RUNX1: variants seen among roughly 807,000 people sequenced by gnomAD.
The protein encoded by RUNX1 is runt-related transcription factor 1.
RUNX1 carries 19 observed loss-of-function variants against 42.8 expected under a neutral mutation model. The ratio of observed to expected loss-of-function variants is 0.44; its 90% CI spans 0.31 to 0.65. The LOEUF (loss-of-function observed/expected upper bound fraction) is 0.65, where lower values mean the gene tolerates loss of function less well. RUNX1 is among the 30% of genes least tolerant of loss of function. The pLI, the probability that RUNX1 is intolerant of heterozygous loss-of-function variation, is 0.07. For missense variants in RUNX1, 528 were observed against 672.0 expected (o/e 0.79, Z 2.37); for synonymous variants, 271 against 289.4 (o/e 0.94, Z 0.64).
intron 2 of RUNX1, among the ~76,000 whole-genome samples, chr21:35,042,083 C>T (rs920350202): frequency 6.6e-6 from 1 of 152,158 alleles, no homozygotes; most frequent in Non-Finnish European, 1.5e-5. Context: ...GCAACATTCC[C>T]ATAGATACAG....
intron 7 of RUNX1, among the ~76,000 whole-genome samples, chr21:34,832,098 C>T (rs927360146): frequency 9.9e-5 from 15 of 152,072 alleles, no homozygotes; most frequent in African/African-American, 2.9e-4. Context: ...ACTCTAAAAG[C>T]GAGTTATGAT....
chr21:34,919,572 C>T (rs2058338354), intron 2 of RUNX1, among the ~76,000 whole-genome samples: 2 of 152,220 alleles, frequency 1.3e-5, no homozygotes, highest in African/African-American at 4.8e-5. Flanking sequence ...GTGGCTTATT[C>T]TCACCACATA....
At chr21:34,922,563 T>C (rs2058361844) in intron 2 of RUNX1, among the ~76,000 whole-genome samples, 3 of 152,074 alleles carry the variant, frequency 2.0e-5, no homozygotes, top group Admixed American at 2.0e-4. Flanking sequence ...TGAAGAGTCT[T>C]CCAGAAAGAG....
intron 2 of RUNX1, among the ~76,000 whole-genome samples, chr21:34,995,416 G>C (rs1221927976): frequency 6.7e-6 from 1 of 148,930 alleles, no homozygotes; most frequent in East Asian, 1.9e-4. Context: ...TTGAAATAAA[G>C]GCTGTTACTT....
chr21:34,838,146 C>T (rs774009596), intron 6 of RUNX1, among the ~76,000 whole-genome samples: 29 of 152,078 alleles, frequency 1.9e-4, no homozygotes, highest in Non-Finnish European at 3.5e-4. Flanking sequence ...TTCTGCCATA[C>T]AAAATAAACT....
At chr21:34,976,091 G>A (rs2146768150) in intron 2 of RUNX1, among the ~76,000 whole-genome samples, 1 of 150,888 alleles carries the variant, frequency 6.6e-6, no homozygotes, top group South Asian at 2.1e-4. Flanking sequence ...TTGGAAATTT[G>A]GAGGGAGATT....
chr21:34,954,108 A>C (rs2058628084), intron 2 of RUNX1, among the ~76,000 whole-genome samples: 1 of 152,198 alleles, frequency 6.6e-6, no homozygotes, highest in African/African-American at 2.4e-5. Context: ...GTGTCACTTG[A>C]GATATTATCT....
intron 7 of RUNX1, among the ~76,000 whole-genome samples, chr21:34,815,670 G>A (rs1315795396): frequency 3.3e-5 from 5 of 152,178 alleles, no homozygotes; most frequent in Non-Finnish European, 7.4e-5. Context: ...GAGGAAGAAC[G>A]CCACTGCCAG....
intron 7 of RUNX1, among the ~76,000 whole-genome samples, chr21:34,816,955 C>T (rs1046168435): frequency 6.6e-6 from 1 of 152,196 alleles, no homozygotes; most frequent in African/African-American, 2.4e-5. Context: ...CTGGTGGTTC[C>T]ATGGTCTCCA....
intron 2 of RUNX1, among the ~76,000 whole-genome samples, chr21:34,992,864 G>A (rs1466024044): frequency 1.3e-5 from 2 of 152,290 alleles, no homozygotes; most frequent in South Asian, 2.1e-4. Flanking sequence ...GTGGCCAGAG[G>A]GGCCCATCCA....
At chr21:34,947,643 AAT>A (rs1196442811) in intron 2 of RUNX1, among the ~76,000 whole-genome samples, 2 of 152,212 alleles carry the variant, frequency 1.3e-5, no homozygotes, top group Non-Finnish European at 2.9e-5. Flanking sequence ...TGGTGGTATA[AAT>A]AGTTTTCACA....
chr21:34,853,425 A>C (rs1400343959), intron 6 of RUNX1, among the ~76,000 whole-genome samples: 1 of 152,202 alleles, frequency 6.6e-6, no homozygotes, highest in African/African-American at 2.4e-5. Flanking sequence ...AAATACAGGA[A>C]TTACATTACC....
chr21:34,862,189 G>A (rs2057587068), intron 5 of RUNX1, among the ~76,000 whole-genome samples: 1 of 152,074 alleles, frequency 6.6e-6, no homozygotes, highest in Non-Finnish European at 1.5e-5. Context: ...CAATACAAAC[G>A]ATTTTACCTC....
Position 34,811,357 on chromosome 21 carries a change from C to T in RUNX1, c.806-11895G>A, listed in dbSNP as rs2145955228. On this transcript the variant is annotated intron_variant, in intron 7 of 8. Coordinates refer to ENST00000675419, the MANE Select transcript of RUNX1 (RefSeq NM_001754.5). ...CTCCCATCTGACTACCTTGTCACAG[C>T]TCTTCTTTTCCTACCTGCATCCTCT... Among the ~76,000 whole-genome samples the T allele has an allele frequency of 2.6e-5, 4 of 152,336 alleles. No homozygotes were observed. In the Middle Eastern group the frequency reaches 0.014, roughly 518 times the overall value.
intron 2 of RUNX1, among the ~76,000 whole-genome samples, chr21:34,893,309 G>A (rs2058101314): frequency 6.6e-6 from 1 of 151,866 alleles, no homozygotes; most frequent in South Asian, 2.1e-4. Context: ...TAGAATTCAA[G>A]GGAAAATTAA....
chr21:34,852,543 A>G (rs2057436801), intron 6 of RUNX1, among the ~76,000 whole-genome samples: 3 of 152,230 alleles, frequency 2.0e-5, no homozygotes, highest in Admixed American at 6.5e-5. Flanking sequence ...TGCCTTTGCC[A>G]AGTCATCAGG....
chr21:34,887,857 T>C (rs1435331001), intron 3 of RUNX1: 5 of 1,064,798 alleles, frequency 4.7e-6, no homozygotes, highest in Admixed American at 5.3e-5. Flanking sequence ...TAGAAGTACT[T>C]GTCATGTTCT....
In RUNX1 at chr21:35,025,422, C is replaced by T. The variant is rs534622538; in HGVS notation, c.58+23420G>A. Among the ~76,000 whole-genome samples, 45 of 152,292 alleles carry T rather than the reference C, an allele frequency of 3.0e-4. No individual in the cohort carries two copies. In the South Asian group the frequency reaches 8.1e-3, roughly 27 times the overall value. On this transcript the variant is annotated intron_variant, in intron 2 of 8. Transcript: ENST00000675419. The stretch of plus-strand genomic sequence containing the variant: ...GCATCCTATCTGCTCCTCCCCCAGA[C>T]GTTCCGATGCCCTGCACCAGATTCA...
chr21:34,798,142 C>G (rs975657691), intron 8 of RUNX1: 2 of 456,582 alleles, frequency 4.4e-6, no homozygotes, highest in South Asian at 3.1e-5. Flanking sequence ...CATGACTCCA[C>G]TGCCCCTGTG....
Sources: allele counts gnomAD v4.1 joint callset (sites outside exome capture counted in the v4.1 genomes callset), GRCh38; gene constraint gnomAD v4.1.1; transcripts MANE v1.5; gene names NCBI Gene and HGNC (gene_info 2026-07-23, HGNC 2026-07-21).